TASOR2: variants seen among roughly 807,000 people sequenced by gnomAD.
TASOR2 encodes transcription activation suppressor family member 2, also known as protein TASOR 2.
In TASOR2, 84 loss-of-function variants were observed where a neutral mutation model predicts 199.5. The observed-to-expected ratio is 0.42, with a 90% CI of 0.35 to 0.50. The LOEUF (loss-of-function observed/expected upper bound fraction) is 0.50. Among genes scored for constraint, TASOR2 ranks in the 20% least tolerant of loss-of-function variants. The pLI, the probability that TASOR2 is intolerant of heterozygous loss-of-function variation, is 0.02. For missense variants in TASOR2, 2,796 were observed against 2,835.9 expected, an observed-to-expected ratio of 0.99 and a Z score of 0.32; for synonymous variants, 1,103 against 1,046.6, an observed-to-expected ratio of 1.05 and a Z score of -1.04.
chr10:5,700,759 C>T (rs1837724861), intron 1 of TASOR2, among the ~76,000 whole-genome samples: 1 of 150,140 alleles, frequency 6.7e-6, no homozygotes, highest in South Asian at 2.1e-4. Flanking sequence ...AGATCTTTTG[C>T]CTGTTTTTTA....
At chr10:5,693,573 TA>T (rs997044444) in intron 1 of TASOR2, among the ~76,000 whole-genome samples, 9 of 152,212 alleles carry the variant, frequency 5.9e-5, no homozygotes, top group Admixed American at 3.9e-4. Flanking sequence ...TTTCTTCATT[TA>T]AAAAAAACCT....
chr10:5,686,408 G>A (rs1444472531), intron 1 of TASOR2, among the ~76,000 whole-genome samples: 2 of 152,104 alleles, frequency 1.3e-5, no homozygotes, highest in Admixed American at 6.5e-5. Context: ...GATCAATATG[G>A]CATGTATTTA....
intron 1 of TASOR2, among the ~76,000 whole-genome samples, chr10:5,708,644 C>CTTCCT (rs1831501881): frequency 8.2e-6 from 1 of 122,158 alleles, no homozygotes; most frequent in Non-Finnish European, 1.7e-5. Flanking sequence ...CCCTTCCTTC[C>CTTCCT]TTCCTTCCTT....
In TASOR2 at chr10:5,687,897, T is replaced by G. The variant is rs1013822917; in HGVS notation, c.-288+2722T>G. Among the ~76,000 whole-genome samples, 1 of 152,252 alleles carries G rather than the reference T, an allele frequency of 6.6e-6. No individual in the cohort carries two copies. The highest frequency in any genetic ancestry group is 1.5e-5 in the Non-Finnish European group (1 of 68,048). Reference sequence around the variant, plus strand: ...TAATTACCGTATTAGATATTAAAACTGATAAATTTGAAATGTATGTTTATT... The same window carrying G: ...TAATTACCGTATTAGATATTAAAACGGATAAATTTGAAATGTATGTTTATT... On this transcript the variant is annotated intron_variant, in intron 1 of 20. Transcript: ENST00000328090. This position sits in a 1 kb window ranked among gnomAD's most constrained non-coding sequence, Gnocchi z 4.8.
intron 15 of TASOR2, 59 bp from the exon 17 acceptor site, chr10:5,756,554 T>C (rs780664408): frequency 2.6e-6 from 4 of 1,554,034 alleles, no homozygotes; most frequent in Non-Finnish European, 2.6e-6. Flanking sequence ...TAATAAACTA[T>C]ACAGGTAGTT....
chr10:5,717,706 TATC>T lies in TASOR2; in HGVS notation c.-141_-139del. 8.2e-7 allele frequency: 1 copy of T among 1,225,806 alleles called. No homozygotes were observed. Among genetic ancestry groups the T allele is most frequent in the Non-Finnish European group, 1.0e-6 (1 of 982,250 alleles). The allele number at this position is 1,225,806 out of a possible 1,614,324, so 75.9% of individuals were successfully genotyped here. A position where few individuals can be genotyped will look rare whatever the true frequency, so the allele number is the denominator to read the frequency against. ...CGACTGTCTTCATTCAAGACCATGGTATCATGGGAAATCTGGTTATGTTGTAAT... is the reference window on the plus strand; with the variant it reads ...CGACTGTCTTCATTCAAGACCATGGTATGGGAAATCTGGTTATGTTGTAAT... On this transcript the variant is annotated 5_prime_UTR_variant, in exon 3 of 21. The change creates a new upstream start codon in the 5' untranslated region. Coordinates refer to ENST00000328090, the Ensembl canonical transcript of TASOR2.
Position 5,750,064 on chromosome 10 carries a change from T to C in TASOR2, c.6606+37T>C, listed in dbSNP as rs1837809233. The C allele has an allele frequency of 6.5e-7, 1 of 1,529,174 alleles. No individual in the cohort carries two copies. The highest frequency in any genetic ancestry group is 1.4e-5 in the African/African-American group (1 of 71,926). The allele number at this position is 1,529,174 out of a possible 1,614,324, so 94.7% of individuals were successfully genotyped here. A position where few individuals can be genotyped will look rare whatever the true frequency, so the allele number is the denominator to read the frequency against. Reference sequence around the variant, plus strand: ...GCCACGTCTTACGTATTATTTTAATTGCTGATTTTAGTTTTAGAAATAATA... The same window carrying C: ...GCCACGTCTTACGTATTATTTTAATCGCTGATTTTAGTTTTAGAAATAATA... On this transcript the variant is annotated intron_variant, in intron 15 of 20. Coordinates refer to ENST00000328090, the Ensembl canonical transcript of TASOR2. The surrounding 1 kb of genome is among the most constrained non-coding windows in gnomAD (Gnocchi z 5.4).
rs1421580599 is a variant in TASOR2, at chr10:5,687,060, T to G, written c.-288+1885T>G. ...TTGAGTTTTTCCTTCTAAGAGAATA[T>G]GTACATCTCCCTTTTCTTTAAAAAT... On this transcript the variant is annotated intron_variant, in intron 1 of 20. Coordinates refer to ENST00000328090, the Ensembl canonical transcript of TASOR2. The surrounding 1 kb of genome is among the most constrained non-coding windows in gnomAD (Gnocchi z 4.8). Among the ~76,000 whole-genome samples, 1 of 152,228 alleles carries G rather than the reference T, an allele frequency of 6.6e-6. No individual in the cohort carries two copies. The highest frequency in any genetic ancestry group is 1.5e-5 in the Non-Finnish European group (1 of 68,038).
At chr10:5,749,516 C>A (rs563810281) in exon 15 of TASOR2, 1 of 1,614,092 alleles carries the variant, frequency 6.2e-7, no homozygotes, top group South Asian at 1.1e-5. Context: ...CTGCATCCTG[C>A]ACCTAGGAGC....
In TASOR2 at chr10:5,690,508, T is replaced by C. The variant is rs1389795663; in HGVS notation, c.-288+5333T>C. 6.6e-6 allele frequency among the ~76,000 whole-genome samples: 1 copy of C among 152,216 alleles called. No individual in the cohort carries two copies. The highest frequency in any genetic ancestry group is 1.5e-5 in the Non-Finnish European group (1 of 68,040). ...CCCTTGTGCATATCCCCTATTTATC[T>C]GTGCCCAGGACATTTTGCGTGGGCT... is the stretch of plus-strand genomic sequence containing the variant. On this transcript the variant is annotated intron_variant, in intron 1 of 20. Transcript: ENST00000328090. This position sits in a 1 kb window ranked among gnomAD's most constrained non-coding sequence, Gnocchi z 4.8.
chr10:5,712,237 C>T (rs187156426), intron 1 of TASOR2: 68 of 438,478 alleles, frequency 1.6e-4, no homozygotes, highest in African/African-American at 1.3e-3. Context: ...ATTTTCTTTA[C>T]ATCAGAGGTC....
exon 12 of TASOR2, chr10:5,735,450 A>G (rs1384913094): frequency 6.2e-7 from 1 of 1,614,174 alleles, no homozygotes. Context: ...AACTGTTCCA[A>G]GGGCTAAGCC....
rs1835939650 is a variant in TASOR2, at chr10:5,687,590, C to T, written c.-288+2415C>T. Among the ~76,000 whole-genome samples the T allele has an allele frequency of 6.6e-6, 1 of 152,238 alleles. No individual in the cohort carries two copies. Among genetic ancestry groups the T allele is most frequent in the Admixed American group, 6.5e-5 (1 of 15,290 alleles). On this transcript the variant is annotated intron_variant, in intron 1 of 20. Coordinates refer to ENST00000328090, the Ensembl canonical transcript of TASOR2. This position sits in a 1 kb window ranked among gnomAD's most constrained non-coding sequence, Gnocchi z 4.8. ...ATCCCAGCACTTTGGGAGGCCAAGG[C>T]AGGTGGATCACTTGAGGTCAGGAGT...
rs371904345 is a variant in TASOR2, at chr10:5,695,748, G to A, written c.-288+10573G>A. On this transcript the variant is annotated intron_variant, in intron 1 of 20. Transcript: ENST00000328090. ...AAATCAGTATTTGGGAAACTAGAAA[G>A]GAGATGGGCAAGTAATAAATGATTT... 8.9e-4 allele frequency among the ~76,000 whole-genome samples: 136 copies of A among 152,304 alleles called. 1 individual carries two copies. The highest frequency in any genetic ancestry group is 3.2e-3 in the African/African-American group (134 of 41,558).
At chr10:5,763,258 T>C in exon 21 of TASOR2, 1 of 429,374 alleles carries the variant, frequency 2.3e-6, no homozygotes, top group Non-Finnish European at 4.1e-6. Context: ...TTGTTTTAAA[T>C]TATTTTCATT....
chr10:5,742,013 T>C lies in TASOR2; in HGVS notation c.2328-84T>C. 1 of 1,274,908 alleles carries C rather than the reference T, an allele frequency of 7.8e-7. No homozygotes were observed. The highest frequency in any genetic ancestry group is 1.1e-6 in the Non-Finnish European group (1 of 900,116). The allele number at this position is 1,274,908 out of a possible 1,614,324, so 79.0% of individuals were successfully genotyped here. On this transcript the variant is annotated intron_variant, in intron 13 of 20. Coordinates refer to ENST00000328090, the Ensembl canonical transcript of TASOR2. The surrounding 1 kb of genome is among the most constrained non-coding windows in gnomAD (Gnocchi z 4.2). ...AAATAAAAACAAAAACTAAGGAATA[T>C]TGGAGGCACTTGCTTATGATAAGGT...
intron 6 of TASOR2, 49 bp downstream of exon 7, chr10:5,721,019 TG>T (rs747817372): frequency 3.3e-5 from 50 of 1,498,964 alleles, no homozygotes; most frequent in Non-Finnish European, 4.5e-5. Flanking sequence ...TTACAAGTTT[TG>T]GGGTTTTTTT....
intron 12 of TASOR2, 104 bp from the exon 14 acceptor site, chr10:5,739,514 T>G: frequency 9.1e-7 from 1 of 1,100,494 alleles, no homozygotes; most frequent in Non-Finnish European, 1.3e-6. Flanking sequence ...ATATGTTACA[T>G]AAGTTTTTCT....
In TASOR2 at chr10:5,720,790, T is replaced by C. The variant is rs1329709188; in HGVS notation, c.46+16T>C. 3 of 1,607,392 alleles carry C rather than the reference T, an allele frequency of 1.9e-6. No homozygotes were observed. Among genetic ancestry groups the C allele is most frequent in the Admixed American group, 1.7e-5 (1 of 58,638 alleles). ...AGTGAAAATGGTAAGAAATAGTTCA[T>C]TGATTCTTTTAGGTTTTTTTTTTCT... On this transcript the variant is annotated intron_variant, in intron 5 of 20. Transcript: ENST00000328090. This position sits in a 1 kb window ranked among gnomAD's most constrained non-coding sequence, Gnocchi z 5.3.
Sources: allele counts gnomAD v4.1 joint callset (sites outside exome capture counted in the v4.1 genomes callset), GRCh38; gene constraint gnomAD v4.1.1; non-coding constraint Gnocchi (gnomAD v3.1); transcripts MANE v1.5; gene names NCBI Gene and HGNC (gene_info 2026-07-23, HGNC 2026-07-21).